CNTLN: variants seen among roughly 807,000 people sequenced by gnomAD.
CNTLN encodes centlein.
A neutral mutation model predicts 180.0 loss-of-function variants in CNTLN; 212 were observed. The observed-to-expected ratio is 1.18, with a 90% CI of 1.05 to 1.32. The LOEUF (loss-of-function observed/expected upper bound fraction) is 1.32, where lower values mean the gene tolerates loss of function less well. CNTLN is among the 40% of genes most tolerant of loss of function. CNTLN has a pLI of 0.00. For missense variants in CNTLN, 2,095 were observed against 1,610.9 expected, an observed-to-expected ratio of 1.30 and a Z score of -5.14; for synonymous variants, 722 against 563.1, an observed-to-expected ratio of 1.28 and a Z score of -3.99.
chr9:17,222,779 C>T (rs1297096749), intron 2 of CNTLN, among the ~76,000 whole-genome samples: 1 of 152,044 alleles, frequency 6.6e-6, no homozygotes, highest in African/African-American at 2.4e-5. Context: ...TCATTCCTTT[C>T]TACTAAATTC....
chr9:17,284,035 T>C (rs966026789), intron 6 of CNTLN, among the ~76,000 whole-genome samples: 1 of 149,264 alleles, frequency 6.7e-6, no homozygotes, highest in Non-Finnish European at 1.5e-5. Context: ...TTGTTTGTTT[T>C]TTTGAGACAG....
At chr9:17,199,013 A>G (rs1822330106) in intron 2 of CNTLN, among the ~76,000 whole-genome samples, 1 of 152,098 alleles carries the variant, frequency 6.6e-6, no homozygotes, top group Admixed American at 6.6e-5. Context: ...TCTTTATAGT[A>G]GAAGGATTTA....
intron 13 of CNTLN, among the ~76,000 whole-genome samples, chr9:17,377,778 C>G (rs1824899732): frequency 6.6e-6 from 1 of 152,118 alleles, no homozygotes; most frequent in Admixed American, 6.5e-5. Flanking sequence ...AGAGAGGTGT[C>G]TGAATTCCCC....
In CNTLN at chr9:17,210,051, T is replaced by C. The variant is rs1823183938; in HGVS notation, c.450-16152T>C. 3.3e-5 allele frequency among the ~76,000 whole-genome samples: 5 copies of C among 152,232 alleles called. No individual in the cohort carries two copies. The South Asian group carries it at 1.0e-3, about 32-fold the overall frequency. ...AACTCTAACATTTGGACAGAAGTTA[T>C]TTTTATTATTTATTTATTTATTTTT... is the stretch of plus-strand genomic sequence containing the variant. On this transcript the variant is annotated intron_variant, in intron 2 of 25. Coordinates refer to ENST00000380647, the MANE Select transcript of CNTLN (RefSeq NM_017738.4).
chr9:17,284,324 T>A (rs983740328), intron 6 of CNTLN, among the ~76,000 whole-genome samples: 1 of 152,168 alleles, frequency 6.6e-6, no homozygotes, highest in African/African-American at 2.4e-5. Flanking sequence ...TTGGAATAGT[T>A]TCGGAAGGAA....
At chr9:17,141,949 G>A (rs1818128418) in intron 1 of CNTLN, among the ~76,000 whole-genome samples, 1 of 151,926 alleles carries the variant, frequency 6.6e-6, no homozygotes, top group African/African-American at 2.4e-5. Flanking sequence ...GGGTGTGGTG[G>A]TGCGTGCCTG....
At chr9:17,334,427 A>G (rs1820859413) in intron 10 of CNTLN, among the ~76,000 whole-genome samples, 1 of 32,568 alleles carries the variant, frequency 3.1e-5, no homozygotes, top group African/African-American at 6.9e-5. Flanking sequence ...GAATACACAC[A>G]CACACACACA....
intron 15 of CNTLN, among the ~76,000 whole-genome samples, chr9:17,400,200 T>C (rs368855698): frequency 2.0e-5 from 3 of 152,102 alleles, no homozygotes; most frequent in East Asian, 3.9e-4. Context: ...TGCAATGGCG[T>C]GGTCTCGGCT....
intron 2 of CNTLN, among the ~76,000 whole-genome samples, chr9:17,149,641 C>G (rs1362511607): frequency 2.6e-5 from 4 of 151,888 alleles, no homozygotes; most frequent in Non-Finnish European, 5.9e-5. Flanking sequence ...CCTCAGCCCC[C>G]CAAGTAGCTG....
chr9:17,310,262 C>G (rs145086923), intron 8 of CNTLN, among the ~76,000 whole-genome samples: 1 of 151,982 alleles, frequency 6.6e-6, no homozygotes, highest in Non-Finnish European at 1.5e-5. Context: ...TTTTTTTAAA[C>G]AGTTTTATCA....
At chr9:17,481,431 A>G (rs1832640509) in intron 23 of CNTLN, among the ~76,000 whole-genome samples, 1 of 152,210 alleles carries the variant, frequency 6.6e-6, no homozygotes, top group Non-Finnish European at 1.5e-5. Flanking sequence ...TTAATCATGG[A>G]ACCCAGCTTG....
the CNTLN span, among the ~76,000 whole-genome samples, chr9:17,521,610 C>T: frequency 1.3e-5 from 2 of 152,092 alleles, no homozygotes; most frequent in African/African-American, 4.8e-5. Context: ...CAGCTTATTT[C>T]ATATTTAGGA....
intron 5 of CNTLN, among the ~76,000 whole-genome samples, chr9:17,266,348 T>C (rs1215136236): frequency 2.0e-5 from 3 of 152,228 alleles, no homozygotes; most frequent in Non-Finnish European, 2.9e-5. Flanking sequence ...TTGAGTGGTT[T>C]TGAGTGAGTT....
chr9:17,290,946 G>C (rs1829355910), intron 6 of CNTLN, among the ~76,000 whole-genome samples: 1 of 152,124 alleles, frequency 6.6e-6, no homozygotes, highest in Non-Finnish European at 1.5e-5. Flanking sequence ...ACCTCAGATG[G>C]AAATGCAGAA....
intron 2 of CNTLN, among the ~76,000 whole-genome samples, chr9:17,163,691 G>A (rs1393609609): frequency 6.6e-6 from 1 of 152,190 alleles, no homozygotes; most frequent in Non-Finnish European, 1.5e-5. Context: ...GTGGAAACTA[G>A]TATCTTGAAG....
the CNTLN span, among the ~76,000 whole-genome samples, chr9:17,511,648 T>TCACA: frequency 0.03 from 4,362 of 146,612 alleles, 105 homozygotes; most frequent in East Asian, 0.11. Flanking sequence ...TCTCTCTCTC[T>TCACA]CACACACACA....
intron 2 of CNTLN, among the ~76,000 whole-genome samples, chr9:17,197,784 C>A (rs558391078): frequency 2.6e-5 from 4 of 152,148 alleles, no homozygotes; most frequent in East Asian, 3.9e-4. Flanking sequence ...CTGTGCTTAT[C>A]GAGTATTACT....
At chr9:17,169,082 C>T (rs7856179) in intron 2 of CNTLN, among the ~76,000 whole-genome samples, 2,061 of 152,234 alleles carry the variant, frequency 0.014, 48 homozygotes, top group African/African-American at 0.047. Flanking sequence ...ACTGCAGCCT[C>T]GAATCTCTGG....
intron 3 of CNTLN, among the ~76,000 whole-genome samples, chr9:17,234,837 A>G (rs962569008): frequency 6.6e-6 from 1 of 152,186 alleles, no homozygotes; most frequent in Non-Finnish European, 1.5e-5. Flanking sequence ...ATAAAAGTTG[A>G]AGAAGTTTAG....
Sources: allele counts gnomAD v4.1 joint callset (sites outside exome capture counted in the v4.1 genomes callset), GRCh38; gene constraint gnomAD v4.1.1; transcripts MANE v1.5; gene names NCBI Gene and HGNC (gene_info 2026-07-23, HGNC 2026-07-21).